SYN3: variants seen among roughly 807,000 people sequenced by gnomAD.
The protein encoded by SYN3 is synapsin-3.
SYN3 carries 35 observed loss-of-function variants against 65.8 expected under a neutral mutation model. That is an observed-to-expected ratio of 0.53 (90% confidence interval 0.41 to 0.70). SYN3 has a LOEUF of 0.70. Among genes scored for constraint, SYN3 ranks in the 30% least tolerant of loss-of-function variants. The pLI, the probability that SYN3 is intolerant of heterozygous loss-of-function variation, is 0.00. For synonymous variants in SYN3, 270 were observed against 292.9 expected, an observed-to-expected ratio of 0.92 and a Z score of 0.80; for missense variants, 680 against 749.0, an observed-to-expected ratio of 0.91 and a Z score of 1.08.
intron 6 of SYN3, among the ~76,000 whole-genome samples, chr22:32,603,527 C>CA (rs1196391391): frequency 0.019 from 1,527 of 82,068 alleles, 46 homozygotes; most frequent in African/African-American, 0.097. Flanking sequence ...GACTCCGTCT[C>CA]AAAAAAAAAG....
At chr22:32,687,816 TC>T (rs1247101425) in intron 6 of SYN3, among the ~76,000 whole-genome samples, 2 of 152,188 alleles carry the variant, frequency 1.3e-5, no homozygotes, top group Non-Finnish European at 2.9e-5. Context: ...TTCCAAAGAA[TC>T]CCTGTGGTCT....
intron 5 of SYN3, among the ~76,000 whole-genome samples, chr22:32,867,551 G>A (rs2048718060): frequency 6.6e-6 from 1 of 152,182 alleles, no homozygotes; most frequent in African/African-American, 2.4e-5. Flanking sequence ...ATAAAGCAGG[G>A]TAAGGGATTT....
intron 7 of SYN3, among the ~76,000 whole-genome samples, chr22:32,564,373 G>A (rs1189932193): frequency 2.0e-5 from 3 of 152,180 alleles, no homozygotes; most frequent in African/African-American, 4.8e-5. Context: ...ATCTGGCTTC[G>A]CAGCTCCCAG....
At chr22:32,932,266 C>T (rs2050652753) in intron 3 of SYN3, among the ~76,000 whole-genome samples, 1 of 137,040 alleles carries the variant, frequency 7.3e-6, no homozygotes, top group Non-Finnish European at 1.6e-5. Context: ...GTTTTCTTCT[C>T]TTGGTAATGG....
At chr22:33,032,910 A>T (rs539123320) in intron 1 of SYN3, among the ~76,000 whole-genome samples, 1 of 150,104 alleles carries the variant, frequency 6.7e-6, no homozygotes, top group East Asian at 1.9e-4. Context: ...TCCTGTTTCC[A>T]TGAAATGTAT....
At position 32,975,148 on chromosome 22, in the gene SYN3, G is replaced by A. The variant is rs774696684; in HGVS notation, c.369+5497C>T. Among the ~76,000 whole-genome samples the A allele has an allele frequency of 2.6e-5, 4 of 152,056 alleles. No individual in the cohort carries two copies. The South Asian group carries it at 8.3e-4, about 32-fold the overall frequency. On this transcript the variant is annotated intron_variant, in intron 3 of 13. Transcript: ENST00000358763. ...TCCCATCACTTTGGGAGGCTCAGGC[G>A]GGTGGATCATGAGGTCAGGAGATTG...
intron 4 of SYN3, among the ~76,000 whole-genome samples, chr22:32,885,068 T>C (rs35346738): frequency 0.25 from 37,250 of 151,942 alleles, 4,878 homozygotes; most frequent in Non-Finnish European, 0.29. Flanking sequence ...AACACTTACA[T>C]AGTGTATAAT....
At chr22:32,773,573 T>C (rs1240116809) in intron 6 of SYN3, among the ~76,000 whole-genome samples, 1 of 152,164 alleles carries the variant, frequency 6.6e-6, no homozygotes, top group Non-Finnish European at 1.5e-5. Context: ...CTGGATGTAA[T>C]TGTTGGTAGC....
intron 6 of SYN3, among the ~76,000 whole-genome samples, chr22:32,676,087 T>C (rs1219611112): frequency 1.3e-5 from 2 of 152,218 alleles, no homozygotes; most frequent in East Asian, 3.8e-4. Flanking sequence ...GAAAGGTATC[T>C]CAGATGATAC....
chr22:32,918,610 T>C (rs241888), intron 4 of SYN3, among the ~76,000 whole-genome samples: 11 of 152,162 alleles, frequency 7.2e-5, no homozygotes, highest in African/African-American at 1.7e-4. Flanking sequence ...AAAAAATGCA[T>C]AGTTGGGCCT....
At chr22:32,847,916 C>A (rs775465495) in intron 6 of SYN3, among the ~76,000 whole-genome samples, 5 of 152,226 alleles carry the variant, frequency 3.3e-5, no homozygotes, top group Admixed American at 6.5e-5. Flanking sequence ...CCTCATCACA[C>A]CCCCTGATAG....
At chr22:32,777,156 C>T (rs765274883) in intron 6 of SYN3, among the ~76,000 whole-genome samples, 26 of 152,110 alleles carry the variant, frequency 1.7e-4, no homozygotes, top group Non-Finnish European at 2.9e-4. Context: ...TCCTTCATTC[C>T]ACAGAGAAGG....
intron 6 of SYN3, among the ~76,000 whole-genome samples, chr22:32,802,544 A>G (rs28431032): frequency 0.26 from 39,962 of 151,186 alleles, 6,710 homozygotes; most frequent in African/African-American, 0.48. Context: ...CGCCATGTGC[A>G]CGGAAAGTTG....
At chr22:32,779,899 C>A (rs535760719) in intron 6 of SYN3, among the ~76,000 whole-genome samples, 1 of 151,982 alleles carries the variant, frequency 6.6e-6, no homozygotes, top group Non-Finnish European at 1.5e-5. Flanking sequence ...CCAAACACAG[C>A]AGGGGAGCAG....
At chr22:32,793,328 G>C (rs919801286) in intron 6 of SYN3, among the ~76,000 whole-genome samples, 1 of 152,158 alleles carries the variant, frequency 6.6e-6, no homozygotes, top group Non-Finnish European at 1.5e-5. Flanking sequence ...GCCTGTTTCT[G>C]TATCTGTAAA....
intron 4 of SYN3, among the ~76,000 whole-genome samples, chr22:32,927,993 C>A (rs2050520304): frequency 6.6e-6 from 1 of 152,198 alleles, no homozygotes; most frequent in African/African-American, 2.4e-5. Flanking sequence ...AAAGGGGCTG[C>A]ATCCCAATAA....
At chr22:32,754,499 A>C (rs5998616) in intron 6 of SYN3, among the ~76,000 whole-genome samples, 129,049 of 152,112 alleles carry the variant, frequency 0.85, 55,258 homozygotes, top group African/African-American at 0.97. Flanking sequence ...TCCTCCCAGT[A>C]CTGGACTACT....
chr22:32,751,945 G>T (rs2045139753), intron 6 of SYN3, among the ~76,000 whole-genome samples: 2 of 152,130 alleles, frequency 1.3e-5, no homozygotes, highest in Admixed American at 1.3e-4. Flanking sequence ...AAGCATAAAT[G>T]ATCCTTCTCT....
chr22:32,798,668 G>A (rs1279723155), intron 6 of SYN3, among the ~76,000 whole-genome samples: 2 of 150,126 alleles, frequency 1.3e-5, no homozygotes, highest in South Asian at 2.1e-4. Flanking sequence ...GAAAGCAGGA[G>A]AGCCTGCATC....
Sources: gnomAD v4.1 joint callset for allele counts (sites outside exome capture counted in the v4.1 genomes callset) on GRCh38, gnomAD v4.1.1 for gene constraint, MANE v1.5 for transcripts, NCBI Gene and HGNC (gene_info 2026-07-23, HGNC 2026-07-21) for gene names.